Variants in ACAA2 observed in about 807,000 individuals in gnomAD.
ACAA2 encodes the protein acetyl-CoA acyltransferase 2, also known as 3-ketoacyl-CoA thiolase, mitochondrial.
Under a neutral mutation model 44.8 loss-of-function variants are expected in ACAA2, and 35 were observed. That is an observed-to-expected ratio of 0.78 (90% confidence interval 0.60 to 1.04). ACAA2 has a LOEUF of 1.04. Among genes scored for constraint, ACAA2 ranks in the 50% least tolerant of loss-of-function variants. The pLI is 0.00. For synonymous variants in ACAA2, 142 were observed against 166.5 expected, an observed-to-expected ratio of 0.85 and a Z score of 1.13; for missense variants, 468 against 482.6, an observed-to-expected ratio of 0.97 and a Z score of 0.28.
intron 4 of ACAA2, 62 bp from the exon 5 acceptor site, chr18:49,794,489 T>C (rs921423368): frequency 1.6e-6 from 2 of 1,263,612 alleles, no homozygotes; most frequent in Middle Eastern, 2.7e-4. Context: ...TAATATGTTA[T>C]AATTTCTTTA....
chr18:49,802,660 G>A (rs1377723700), intron 2 of ACAA2, 27 bp downstream of exon 2: 1 of 1,599,018 alleles, frequency 6.3e-7, no homozygotes, highest in Admixed American at 1.7e-5. Flanking sequence ...AGCAATAGGA[G>A]TGAACACCTT....
At chr18:49,785,759 T>C (rs1183952864) in intron 8 of ACAA2, 1 of 193,674 alleles carries the variant, frequency 5.2e-6, no homozygotes, top group South Asian at 1.1e-4. Flanking sequence ...TGTGGTATCA[T>C]GCTAAGAGTC....
intron 1 of ACAA2, among the ~76,000 whole-genome samples, chr18:49,805,182 T>C (rs180938241): frequency 2.0e-5 from 3 of 152,356 alleles, no homozygotes; most frequent in Admixed American, 6.5e-5. Context: ...GATAAGATAC[T>C]GATCTACAAA....
At chr18:49,803,192 G>C (rs1169468960) in intron 1 of ACAA2, among the ~76,000 whole-genome samples, 2 of 150,682 alleles carry the variant, frequency 1.3e-5, no homozygotes, top group Non-Finnish European at 3.0e-5. Flanking sequence ...ACAGAAGTAA[G>C]ATAAATAGCC....
At chr18:49,802,978 A>G (rs1364490795) in intron 1 of ACAA2, 125 bp from the exon 2 acceptor site, 2 of 1,112,182 alleles carry the variant, frequency 1.8e-6, no homozygotes, top group South Asian at 1.3e-5. Context: ...CTGTTAGGCA[A>G]TAATACCTAG....
chr18:49,797,383 C>G lies in ACAA2; in HGVS notation c.312+83G>C. 2.3e-6 allele frequency: 3 copies of G among 1,325,218 alleles called. No homozygotes were observed. In the South Asian group the frequency reaches 4.2e-5, roughly 19 times the overall value. 82.1% of individuals were successfully genotyped at this position (1,325,218 alleles called of 1,614,324 possible). On this transcript the variant is annotated intron_variant, in intron 3 of 9. Coordinates refer to ENST00000285093, the MANE Select transcript of ACAA2 (RefSeq NM_006111.3). ...AGGGCTCAAGCAATCCTCCCTAAAG[C>G]TAAAGTGTTATATTGCAGTGGGACA...
rs181801624 is a variant in ACAA2, at chr18:49,804,482, C to T, written c.17-1629G>A. 3.3e-5 allele frequency among the ~76,000 whole-genome samples: 5 copies of T among 152,290 alleles called. No individual in the cohort carries two copies. The East Asian group carries it at 9.6e-4, about 29-fold the overall frequency. ...ACCTCCAGTATCTGAAGTCAGCTAA[C>T]CTGTAAGTCCCCAAACCTAGTGACT... On this transcript the variant is annotated intron_variant, in intron 1 of 9. Coordinates refer to ENST00000285093, the MANE Select transcript of ACAA2 (RefSeq NM_006111.3).
intron 9 of ACAA2, among the ~76,000 whole-genome samples, chr18:49,784,248 A>C (rs1316232839): frequency 6.6e-6 from 1 of 152,222 alleles, no homozygotes. Flanking sequence ...TGTGTGTGTT[A>C]CGGGAAAGGA....
intron 2 of ACAA2, 127 bp downstream of exon 2, chr18:49,802,560 C>CATA: frequency 1.7e-6 from 1 of 592,568 alleles, no homozygotes; most frequent in Non-Finnish European, 2.4e-6. Context: ...GACTCCATCT[C>CATA]AAAAAAAAAA....
chr18:49,792,338 G>C lies in ACAA2; in HGVS notation c.578-11C>G, dbSNP rs778504639. ...AGCCAGCATCATTAGCTGAAAAATA[G>C]TAGAGAGACTATCATAAGAATAAAA... On this transcript the variant is annotated splice_polypyrimidine_tract_variant and intron_variant, in intron 5 of 9. Coordinates refer to ENST00000285093, the MANE Select transcript of ACAA2 (RefSeq NM_006111.3). 9.4e-6 allele frequency: 15 copies of C among 1,601,304 alleles called. No homozygotes were observed. The highest frequency in any genetic ancestry group is 1.3e-5 in the Non-Finnish European group (15 of 1,170,398).
At position 49,787,283 on chromosome 18, in the gene ACAA2, A is replaced by C. The variant is rs764144358; in HGVS notation, c.954+8T>G. 18 of 1,454,266 alleles carry C rather than the reference A, an allele frequency of 1.2e-5. No homozygotes were observed. Among genetic ancestry groups the C allele is most frequent in the South Asian group, 1.2e-4 (8 of 67,748 alleles). The allele number at this position is 1,454,266 out of a possible 1,614,324, so 90.1% of individuals were successfully genotyped here. A position where few individuals can be genotyped will look rare whatever the true frequency, so the allele number is the denominator to read the frequency against. ...GTTAAAAAAAAAAAAAAAAAAAAAA[A>C]CACTTACCTCTACCAAATCCATGTC... On this transcript the variant is annotated splice_region_variant and intron_variant, in intron 8 of 9. Coordinates refer to ENST00000285093, the MANE Select transcript of ACAA2 (RefSeq NM_006111.3).
chr18:49,796,281 C>T (rs976558736), intron 3 of ACAA2, among the ~76,000 whole-genome samples: 5 of 152,196 alleles, frequency 3.3e-5, no homozygotes, highest in African/African-American at 1.2e-4. Context: ...TGAACAAGAA[C>T]AGAGATTTAC....
chr18:49,806,104 C>T (rs898895967), intron 1 of ACAA2, among the ~76,000 whole-genome samples: 2 of 152,084 alleles, frequency 1.3e-5, no homozygotes, highest in Non-Finnish European at 1.5e-5. Flanking sequence ...AGAGTTGATA[C>T]TTAGAGGAAG....
chr18:49,811,778 C>A (rs2023672162), intron 1 of ACAA2, among the ~76,000 whole-genome samples: 1 of 152,156 alleles, frequency 6.6e-6, no homozygotes, highest in South Asian at 2.1e-4. Flanking sequence ...CCTCTCTCGA[C>A]ATGAGTGTCC....
At chr18:49,801,814 A>ATATATATATATATATCTC (rs1491158195) in intron 2 of ACAA2, among the ~76,000 whole-genome samples, 28 of 134,988 alleles carry the variant, frequency 2.1e-4, no homozygotes, top group African/African-American at 7.6e-4. Context: ...ATATATATAT[A>ATATATATATATATATCTC]TCTTATCTTT....
In ACAA2 at chr18:49,797,369, AATCCTCCCTAAAGCTAAAGTGTTAT is replaced by A. The variant is rs1171492433; in HGVS notation, c.312+72_312+96del. ...TTTACTTGACCTCCAGGGCTCAAGC[AATCCTCCCTAAAGCTAAAGTGTTAT>A]ATTGCAGTGGGACATTTCTTCTAGT... On this transcript the variant is annotated intron_variant, in intron 3 of 9. Coordinates refer to ENST00000285093, the MANE Select transcript of ACAA2 (RefSeq NM_006111.3). 2.6e-6 allele frequency: 3 copies of A among 1,170,502 alleles called. No homozygotes were observed. The East Asian group carries it at 7.8e-5, about 31-fold the overall frequency. 72.5% of individuals were successfully genotyped at this position (1,170,502 alleles called of 1,614,324 possible). A position where few individuals can be genotyped will look rare whatever the true frequency, so the allele number is the denominator to read the frequency against.
Position 49,792,214 on chromosome 18 carries a change from G to A in ACAA2, c.691C>T (p.Gln231Ter). 6.2e-7 allele frequency: 1 copy of A among 1,614,108 alleles called. No individual in the cohort carries two copies. The highest frequency in any genetic ancestry group is 1.3e-5 in the African/African-American group (1 of 75,044). ...EHARPQTTLE[Q>*]LQKLPPVFKK... is the part of the protein sequence containing the mutation. ...AATACTGGAGGAAGTTTCTGTAACT[G>A]TTCCAGGGTGGTTTGGGGCCGAGCA... Residue 231 changes from glutamine (Q) to a stop codon, truncating the protein, a stop_gained, in exon 6 of 10, where the codon CAG becomes TAG. Coordinates refer to ENST00000285093, the MANE Select transcript of ACAA2 (RefSeq NM_006111.3). LOFTEE classifies it high-confidence loss of function.
intron 1 of ACAA2, among the ~76,000 whole-genome samples, chr18:49,808,009 C>A (rs150568626): frequency 6.7e-6 from 1 of 148,468 alleles, no homozygotes; most frequent in African/African-American, 2.5e-5. Context: ...ACCCATGCAA[C>A]CCAATTTAAA....
intron 1 of ACAA2, among the ~76,000 whole-genome samples, chr18:49,809,829 A>T (rs2023649226): frequency 6.6e-6 from 1 of 152,238 alleles, no homozygotes; most frequent in Non-Finnish European, 1.5e-5. Context: ...AACCCATAGA[A>T]CTATACAATA....
Sources: allele counts gnomAD v4.1 joint callset (sites outside exome capture counted in the v4.1 genomes callset), GRCh38; gene constraint gnomAD v4.1.1; transcripts MANE v1.5; gene names NCBI Gene and HGNC (gene_info 2026-07-23, HGNC 2026-07-21).